SLC28A3: variants seen among roughly 807,000 people sequenced by gnomAD.
SLC28A3 encodes concentrative Na(+)-nucleoside cotransporter 3.
SLC28A3 carries 68 observed loss-of-function variants against 84.2 expected under a neutral mutation model. The ratio of observed to expected loss-of-function variants is 0.81; its 90% confidence interval spans 0.66 to 0.99. The LOEUF (loss-of-function observed/expected upper bound fraction) is 0.99, where lower values mean the gene tolerates loss of function less well. Among genes scored for constraint, SLC28A3 ranks in the 50% least tolerant of loss-of-function variants. SLC28A3 has a pLI of 0.00. For synonymous variants in SLC28A3, 267 were observed against 303.6 expected (o/e 0.88, Z 1.25); for missense variants, 712 against 841.5 (o/e 0.85, Z 1.90).
At chr9:84,301,349 C>CA (rs59917986) in intron 5 of SLC28A3, among the ~76,000 whole-genome samples, 1,223 of 44,258 alleles carry the variant, frequency 0.028, 35 homozygotes, top group Middle Eastern at 0.037. Context: ...GACTCTGTCT[C>CA]AAAAAAAAAA....
At chr9:84,366,397 A>G in the SLC28A3 span, among the ~76,000 whole-genome samples, 2 of 152,018 alleles carry the variant, frequency 1.3e-5, no homozygotes, top group Non-Finnish European at 2.9e-5. Context: ...ATGTTGGCTT[A>G]TTTAGTTCAT....
rs368619510 is a variant in SLC28A3 at position 84,302,440 on chromosome 9, G to C, written c.335-51C>G. 3 of 1,569,032 alleles carry C rather than the reference G, an allele frequency of 1.9e-6. No individual in the cohort carries two copies. In the African/African-American group the frequency reaches 4.1e-5, roughly 21 times the overall value. Reference sequence around the variant, plus strand: ...TGAACATCACTAACCACTGGGACACGCCTCCAGGCTCCAGCCTTGTTCTGG... The same window carrying C: ...TGAACATCACTAACCACTGGGACACCCCTCCAGGCTCCAGCCTTGTTCTGG... On this transcript the variant is annotated intron_variant, in intron 4 of 17. Transcript: ENST00000376238.
the SLC28A3 span, among the ~76,000 whole-genome samples, chr9:84,352,998 T>G: frequency 2.0e-5 from 3 of 151,980 alleles, no homozygotes; most frequent in Non-Finnish European, 2.9e-5. Flanking sequence ...AGGATTAAGA[T>G]TTTTTAGTAT....
chr9:84,310,883 A>C (rs1389157309), intron 2 of SLC28A3, among the ~76,000 whole-genome samples: 1 of 152,200 alleles, frequency 6.6e-6, no homozygotes, highest in Non-Finnish European at 1.5e-5. Flanking sequence ...TTAAATGGTC[A>C]TCATTATTAT....
intron 8 of SLC28A3, among the ~76,000 whole-genome samples, chr9:84,295,659 G>A (rs1825387362): frequency 6.6e-6 from 1 of 152,028 alleles, no homozygotes; most frequent in Non-Finnish European, 1.5e-5. Flanking sequence ...TTTTCCTGAT[G>A]CTCTTTGGGT....
chr9:84,297,850 T>C, intron 7 of SLC28A3, 56 bp downstream of exon 7: 2 of 1,413,420 alleles, frequency 1.4e-6, no homozygotes, highest in Non-Finnish European at 2.0e-6. Context: ...TCTTGAGGAT[T>C]ACCTCCAATG....
intron 6 of SLC28A3, among the ~76,000 whole-genome samples, chr9:84,299,216 C>T (rs967762525): frequency 1.3e-5 from 2 of 152,082 alleles, no homozygotes; most frequent in Admixed American, 1.3e-4. Context: ...CATGGGACTT[C>T]GATGAACTGC....
At chr9:84,320,040 GTTTTTTT>G (rs1182939298) in intron 1 of SLC28A3, among the ~76,000 whole-genome samples, 37 of 59,602 alleles carry the variant, frequency 6.2e-4, no homozygotes, top group Middle Eastern at 9.8e-3. Flanking sequence ...GGCTTGCACT[GTTTTTTT>G]TTTTTTTTTT....
chr9:84,299,473 A>G, intron 6 of SLC28A3, 108 bp downstream of exon 6: 1 of 1,417,350 alleles, frequency 7.1e-7, no homozygotes, highest in Non-Finnish European at 9.6e-7. Flanking sequence ...CCATCAAGGT[A>G]AGAAAAGTAC....
the SLC28A3 span, among the ~76,000 whole-genome samples, chr9:84,356,894 G>A: frequency 3.3e-5 from 5 of 151,888 alleles, no homozygotes; most frequent in Admixed American, 6.6e-5. Flanking sequence ...ACTGAGACCC[G>A]CCCTGATTCT....
chr9:84,288,136 G>A lies in SLC28A3; in HGVS notation c.1192C>T (p.Pro398Ser), dbSNP rs1825071126. 6 of 1,614,134 alleles carry A rather than the reference G, an allele frequency of 3.7e-6. No homozygotes were observed. The highest frequency in any genetic ancestry group is 4.2e-6 in the Non-Finnish European group (5 of 1,179,992). The change falls in exon 12 of 18, where the codon CCT becomes TCT. Residue 398 changes from proline to serine, a missense_variant. Physicochemically the swap from Pro to Ser is moderately conservative, Grantham distance 74 (BLOSUM62 -1). Coordinates refer to ENST00000376238, the MANE Select transcript of SLC28A3 (RefSeq NM_001199633.2). The part of the protein sequence containing the change: ...HLLTASVMSA[P>S]ASLAAAKLFW... ...AGTTTAGCAGCAGCCAATGACGCAG[G>A]TGCTGACATAACTGACGCTGTTAAC...
chr9:84,304,819 C>G (rs1295689273), intron 4 of SLC28A3, among the ~76,000 whole-genome samples: 2 of 152,104 alleles, frequency 1.3e-5, no homozygotes, highest in African/African-American at 2.4e-5. Flanking sequence ...GTCAGGAGTT[C>G]GAGACCAGCC....
intron 1 of SLC28A3, among the ~76,000 whole-genome samples, chr9:84,325,721 G>A (rs184315898): frequency 3.3e-5 from 5 of 152,286 alleles, no homozygotes; most frequent in Admixed American, 1.3e-4. Flanking sequence ...GGAAGATTGA[G>A]AAGTCTTCAG....
At chr9:84,308,591 C>T (rs1825880820) in intron 3 of SLC28A3, among the ~76,000 whole-genome samples, 1 of 152,116 alleles carries the variant, frequency 6.6e-6, no homozygotes, top group Non-Finnish European at 1.5e-5. Context: ...ATTAGCACCA[C>T]TGAACTCCAG....
At chr9:84,308,358 C>A (rs1418021310) in intron 3 of SLC28A3, among the ~76,000 whole-genome samples, 1 of 152,108 alleles carries the variant, frequency 6.6e-6, no homozygotes, top group African/African-American at 2.4e-5. Flanking sequence ...CCAGCCTGGC[C>A]AACATGGTGA....
At chr9:84,303,384 G>A (rs1451314988) in intron 4 of SLC28A3, among the ~76,000 whole-genome samples, 5 of 152,104 alleles carry the variant, frequency 3.3e-5, no homozygotes, top group African/African-American at 4.8e-5. Flanking sequence ...GCAATGGTGC[G>A]ATCTCGGCTC....
At chr9:84,318,506 A>G (rs1017729413) in intron 1 of SLC28A3, among the ~76,000 whole-genome samples, 2 of 152,204 alleles carry the variant, frequency 1.3e-5, no homozygotes. Flanking sequence ...CTGTACCCGA[A>G]GGAGAAAACT....
chr9:84,290,860 C>CAAACAAACA (rs1564150395), intron 10 of SLC28A3, among the ~76,000 whole-genome samples: 1 of 151,904 alleles, frequency 6.6e-6, no homozygotes, highest in African/African-American at 2.4e-5. Context: ...AACAAACAAA[C>CAAACAAACA]AACCTCAGCA....
chr9:84,302,877 G>C (rs1030524492), intron 4 of SLC28A3, among the ~76,000 whole-genome samples: 3 of 152,108 alleles, frequency 2.0e-5, no homozygotes, highest in African/African-American at 7.2e-5. Context: ...GAGTCTCTAA[G>C]GAAAAGAGGT....
Sources: gnomAD v4.1 joint callset for allele counts (sites outside exome capture counted in the v4.1 genomes callset) on GRCh38, gnomAD v4.1.1 for gene constraint, MANE v1.5 for transcripts, NCBI Gene and HGNC (gene_info 2026-07-23, HGNC 2026-07-21) for gene names.